The following UBE2G1 variants were observed in gnomAD, a reference collection of about 807,000 sequenced individuals.
UBE2G1 encodes the protein ubiquitin-conjugating enzyme E2 G1.
A neutral mutation model predicts 22.7 loss-of-function variants in UBE2G1; 5 were observed. The ratio of observed to expected loss-of-function variants is 0.22; its 90% confidence interval spans 0.12 to 0.46. The LOEUF is 0.46. Ranked by LOEUF, UBE2G1 falls within the 20% of genes least tolerant of loss-of-function variation. UBE2G1 has a pLI of 0.99. For synonymous variants in UBE2G1, 74 were observed against 67.5 expected, an observed-to-expected ratio of 1.10 and a Z score of -0.47; for missense variants, 88 against 203.9, an observed-to-expected ratio of 0.43 and a Z score of 3.46.
chr17:4,350,460 A>C (rs1969832407), intron 1 of UBE2G1, among the ~76,000 whole-genome samples: 1 of 152,134 alleles, frequency 6.6e-6, no homozygotes, highest in South Asian at 2.1e-4. Flanking sequence ...CCCTGTCTCA[A>C]AAAAAACAAA....
At chr17:4,364,994 AACCT>A (rs1970015837) in intron 1 of UBE2G1, among the ~76,000 whole-genome samples, 1 of 152,238 alleles carries the variant, frequency 6.6e-6, no homozygotes, top group Admixed American at 6.5e-5. Context: ...TACTTGTCCA[AACCT>A]GCTTGCTCAT....
At chr17:4,319,965 T>TTATATA (rs566358061) in intron 1 of UBE2G1, among the ~76,000 whole-genome samples, 12 of 151,608 alleles carry the variant, frequency 7.9e-5, no homozygotes, top group African/African-American at 2.9e-4. Context: ...CTATAAGCTT[T>TTATATA]TATATATATA....
intron 3 of UBE2G1, among the ~76,000 whole-genome samples, chr17:4,293,423 C>T (rs1181342541): frequency 6.6e-6 from 1 of 152,168 alleles, no homozygotes; most frequent in Non-Finnish European, 1.5e-5. Flanking sequence ...TATTTATCAG[C>T]TGATAGACAT....
Position 4,292,342 on chromosome 17 carries a change from A to C in UBE2G1, c.248-2934T>G, listed in dbSNP as rs535850302. On this transcript the variant is annotated intron_variant, in intron 3 of 5. Transcript: ENST00000396981. ...AAAAAAAAAAAAAAAAACCCAAACC[A>C]AAACCAAACAAACAAAACTAAGCTG... Among the ~76,000 whole-genome samples the C allele has an allele frequency of 2.1e-3, 316 of 151,174 alleles. 1 individual carries two copies. The highest frequency in any genetic ancestry group is 7.1e-3 in the African/African-American group (295 of 41,330).
Position 4,329,827 on chromosome 17 carries a change from CT to C in UBE2G1, c.47-22705del, listed in dbSNP as rs66696267. ...GCCATTAGGCTTTTTTAAAGGTATG[CT>C]TTTTTTTTTTAGATTTATAGTAACG... On this transcript the variant is annotated intron_variant, in intron 1 of 5. Transcript: ENST00000396981. Among the ~76,000 whole-genome samples the C allele has an allele frequency of 9.7e-4, 144 of 147,734 alleles. 3 individuals are homozygous for C. The East Asian group carries it at 0.021, about 22-fold the overall frequency.
At chr17:4,327,746 A>G (rs1190119563) in intron 1 of UBE2G1, among the ~76,000 whole-genome samples, 1 of 152,194 alleles carries the variant, frequency 6.6e-6, no homozygotes, top group Non-Finnish European at 1.5e-5. Flanking sequence ...CCTAAAATAC[A>G]GACGGACTGT....
At chr17:4,273,704 T>A (rs1344709608) in intron 5 of UBE2G1, among the ~76,000 whole-genome samples, 2 of 137,334 alleles carry the variant, frequency 1.5e-5, no homozygotes, top group East Asian at 4.5e-4. Context: ...TATATTAATA[T>A]GTGCTTTGAA....
intron 1 of UBE2G1, among the ~76,000 whole-genome samples, chr17:4,361,225 GAA>G (rs372807807): frequency 0.012 from 1,755 of 143,894 alleles, 42 homozygotes; most frequent in African/African-American, 0.043. Flanking sequence ...TCTGTGTTGG[GAA>G]AAAAAAAATG....
chr17:4,276,423 T>C (rs1210003783), intron 5 of UBE2G1, among the ~76,000 whole-genome samples: 5 of 152,094 alleles, frequency 3.3e-5, no homozygotes, highest in African/African-American at 1.2e-4. Context: ...CCTCCCAAAG[T>C]GCTGGGATTA....
chr17:4,362,497 A>G (rs1969980745), intron 1 of UBE2G1, among the ~76,000 whole-genome samples: 1 of 152,190 alleles, frequency 6.6e-6, no homozygotes. Flanking sequence ...TACTCAACCC[A>G]AAACGTCAGT....
chr17:4,305,526 C>T (rs1025096279), intron 2 of UBE2G1, among the ~76,000 whole-genome samples: 3 of 152,182 alleles, frequency 2.0e-5, no homozygotes, highest in African/African-American at 7.2e-5. Context: ...TAAAAATGTA[C>T]ACCAAAGACC....
chr17:4,344,968 T>C (rs1206439057), intron 1 of UBE2G1, among the ~76,000 whole-genome samples: 1 of 152,222 alleles, frequency 6.6e-6, no homozygotes, highest in Non-Finnish European at 1.5e-5. Flanking sequence ...CAAAAATGTT[T>C]ATGTGGCTAA....
At chr17:4,342,417 C>A (rs1018850426) in intron 1 of UBE2G1, among the ~76,000 whole-genome samples, 2 of 152,140 alleles carry the variant, frequency 1.3e-5, no homozygotes, top group Admixed American at 6.6e-5. Context: ...CAAAGTGAGA[C>A]CCCATTTCTA....
intron 5 of UBE2G1, among the ~76,000 whole-genome samples, chr17:4,279,096 G>A (rs527640667): frequency 6.6e-6 from 1 of 152,204 alleles, no homozygotes; most frequent in East Asian, 1.9e-4. Flanking sequence ...CCAACATGGT[G>A]AAATCCCATC....
chr17:4,306,602 C>T (rs533334603), intron 2 of UBE2G1, among the ~76,000 whole-genome samples: 1 of 152,298 alleles, frequency 6.6e-6, no homozygotes, highest in East Asian at 1.9e-4. Context: ...AGCCATTTCT[C>T]CTGCTCCTTA....
intron 1 of UBE2G1, among the ~76,000 whole-genome samples, chr17:4,315,049 G>A (rs7222362): frequency 0.34 from 51,704 of 152,024 alleles, 8,958 homozygotes; most frequent in African/African-American, 0.39. Flanking sequence ...GTTTGGCAGT[G>A]GTGTTGTGCT....
intron 1 of UBE2G1, among the ~76,000 whole-genome samples, chr17:4,341,618 A>G (rs1360075978): frequency 6.6e-6 from 1 of 152,154 alleles, no homozygotes; most frequent in Non-Finnish European, 1.5e-5. Context: ...AATGAAGCCC[A>G]CAAGCCCTCC....
intron 1 of UBE2G1, among the ~76,000 whole-genome samples, chr17:4,322,743 A>G (rs542843805): frequency 2.0e-5 from 3 of 152,242 alleles, no homozygotes; most frequent in Non-Finnish European, 4.4e-5. Context: ...GACTTTAAGT[A>G]TATCCCCTGT....
intron 1 of UBE2G1, among the ~76,000 whole-genome samples, chr17:4,364,762 G>T (rs758153131): frequency 4.4e-4 from 66 of 151,718 alleles, no homozygotes; most frequent in Non-Finnish European, 7.8e-4. Context: ...TGTATTTTTA[G>T]TAGTGACGGG....
Sources: gnomAD v4.1 joint callset for allele counts (sites outside exome capture counted in the v4.1 genomes callset) on GRCh38, gnomAD v4.1.1 for gene constraint, MANE v1.5 for transcripts, NCBI Gene and HGNC (gene_info 2026-07-23, HGNC 2026-07-21) for gene names.